The following ITPR3 variants were observed in gnomAD, a reference collection of about 807,000 sequenced individuals.
ITPR3 encodes the protein inositol 1,4,5-trisphosphate receptor type 3, also known as inositol 1,4,5-trisphosphate-gated calcium channel ITPR3.
ITPR3 carries 173 observed loss-of-function variants against 293.2 expected under a neutral mutation model. The observed-to-expected ratio is 0.59, with a 90% CI of 0.52 to 0.67. The LOEUF is 0.67. Ranked by LOEUF, ITPR3 falls within the 30% of genes least tolerant of loss-of-function variation. The pLI is 0.00. For missense variants in ITPR3, 2,796 were observed against 3,592.1 expected (o/e 0.78, Z 5.66); for synonymous variants, 1,295 against 1,444.4 (o/e 0.90, Z 2.35).
intron 21 of ITPR3, 108 bp downstream of exon 21, chr6:33,671,414 AACCTGGC>A: frequency 1.3e-6 from 1 of 751,170 alleles, no homozygotes; most frequent in South Asian, 1.8e-5. Flanking sequence ...CCCCCCACCC[AACCTGGC>A]TCTGCCTCAA....
chr6:33,685,564 A>G (rs1765203834), intron 40 of ITPR3, 31 bp downstream of exon 40: 1 of 1,603,478 alleles, frequency 6.2e-7, no homozygotes. Flanking sequence ...GCACGGCGTG[A>G]CGGGGATCCC....
At position 33,695,823 on chromosome 6, in the gene ITPR3, A is replaced by T; in HGVS notation, c.*43A>T. The stretch of plus-strand genomic sequence containing the variant: ...CCCAACAGGGGATGCTCATCACTGG[A>T]GACTGCGACTGGGAAGAACACTGCC... On this transcript the variant is annotated 3_prime_UTR_variant, in exon 58 of 58. Transcript: ENST00000605930. 3 of 1,594,718 alleles carry T rather than the reference A, an allele frequency of 1.9e-6. No homozygotes were observed. The highest frequency in any genetic ancestry group is 2.6e-6 in the Non-Finnish European group (3 of 1,162,808).
At chr6:33,634,752 T>A (rs1386514326) in intron 1 of ITPR3, among the ~76,000 whole-genome samples, 2 of 151,988 alleles carry the variant, frequency 1.3e-5, no homozygotes, top group Admixed American at 6.5e-5. Flanking sequence ...AATGACCAGG[T>A]GGGCTTGTCC....
In ITPR3 at chr6:33,687,367, G is replaced by A. The variant is rs1372345356; in HGVS notation, c.6177+40G>A. On this transcript the variant is annotated intron_variant, in intron 45 of 57. Coordinates refer to ENST00000605930, the MANE Select transcript of ITPR3 (RefSeq NM_002224.4). The surrounding 1 kb of genome is among the most constrained non-coding windows in gnomAD (Gnocchi z 5.3). ...CGTGGCAACGGCCATCACCCCCCTG[G>A]CCACCATACCCCGCCCCAGCTGCCA... 1.3e-6 allele frequency: 2 copies of A among 1,521,752 alleles called. No individual in the cohort carries two copies. The highest frequency in any genetic ancestry group is 1.8e-6 in the Non-Finnish European group (2 of 1,107,072). 94.3% of individuals were successfully genotyped at this position (1,521,752 alleles called of 1,614,324 possible).
chr6:33,656,457 C>T (rs577848383), intron 3 of ITPR3, among the ~76,000 whole-genome samples: 1 of 152,214 alleles, frequency 6.6e-6, no homozygotes, highest in Non-Finnish European at 1.5e-5. Flanking sequence ...TAGTCTTAAC[C>T]TCTCCCCTTG....
intron 2 of ITPR3, among the ~76,000 whole-genome samples, chr6:33,648,407 C>G (rs1195039990): frequency 6.6e-6 from 1 of 151,956 alleles, no homozygotes; most frequent in Non-Finnish European, 1.5e-5. Flanking sequence ...CTGTTGGTGC[C>G]CTTCTAAGAT....
At chr6:33,627,842 C>T (rs1462999594) in intron 1 of ITPR3, among the ~76,000 whole-genome samples, 1 of 152,110 alleles carries the variant, frequency 6.6e-6, no homozygotes, top group Non-Finnish European at 1.5e-5. Context: ...CCAGGCAGTG[C>T]GAGGATGTGA....
intron 2 of ITPR3, among the ~76,000 whole-genome samples, chr6:33,648,904 A>AT (rs879650876): frequency 3.1e-4 from 44 of 140,106 alleles, no homozygotes; most frequent in African/African-American, 1.0e-3. Context: ...TGCCATGTGT[A>AT]TTTTTTTTTT....
intron 49 of ITPR3, 21 bp downstream of exon 49, chr6:33,688,802 G>A (rs1375713271): frequency 1.5e-5 from 25 of 1,613,886 alleles, no homozygotes; most frequent in Non-Finnish European, 1.9e-5. Flanking sequence ...AGGGCTGGCC[G>A]GCAGGTTCCC....
Position 33,683,360 on chromosome 6 carries a change from AC to A in ITPR3, c.4753del (p.Gln1585SerfsTer22). ...RAFPRVTPTA[N>X]QWDYKNIIEK... is the part of the protein sequence containing the mutation. Reference sequence around the variant, plus strand: ...TTCCCCCGCGTCACCCCCACCGCCAACCAGTGGGACTACAAGAACATCATTG... The same window carrying A: ...TTCCCCCGCGTCACCCCCACCGCCAACAGTGGGACTACAAGAACATCATTG... On this transcript the variant is annotated frameshift_variant, in exon 35 of 58. Transcript: ENST00000605930. LOFTEE classifies it high-confidence loss of function. This position sits in a 1 kb window ranked among gnomAD's most constrained non-coding sequence, Gnocchi z 4.5. The A allele has an allele frequency of 6.3e-7, 1 of 1,594,748 alleles. No individual in the cohort carries two copies. Among genetic ancestry groups the A allele is most frequent in the South Asian group, 1.1e-5 (1 of 87,560 alleles).
chr6:33,638,747 G>A lies in ITPR3; in HGVS notation c.90-1737G>A, dbSNP rs28360584. On this transcript the variant is annotated intron_variant, in intron 1 of 57. Coordinates refer to ENST00000605930, the MANE Select transcript of ITPR3 (RefSeq NM_002224.4). This position sits in a 1 kb window ranked among gnomAD's most constrained non-coding sequence, Gnocchi z 4.3. ...TACAAAGAAAACACACAGGGGCTCC[G>A]TTCTCAAGGAACTCACAGTGTAGAC... 6.6e-6 allele frequency among the ~76,000 whole-genome samples: 1 copy of A among 152,198 alleles called. No individual in the cohort carries two copies.
intron 2 of ITPR3, among the ~76,000 whole-genome samples, chr6:33,651,029 C>T (rs529481222): frequency 2.6e-5 from 4 of 152,046 alleles, no homozygotes; most frequent in Non-Finnish European, 5.9e-5. Context: ...GTAATCCCAG[C>T]ACTTTGGGAG....
intron 27 of ITPR3, 65 bp downstream of exon 27, chr6:33,677,154 G>A: frequency 6.9e-7 from 1 of 1,452,078 alleles, no homozygotes; most frequent in African/African-American, 1.4e-5. Flanking sequence ...GCTCCCGCTG[G>A]CCCGGCCCCC....
chr6:33,690,060 G>GA lies in ITPR3; in HGVS notation c.6895dup (p.Ser2299LysfsTer14). 1 of 1,614,224 alleles carries GA rather than the reference G, an allele frequency of 6.2e-7. No homozygotes were observed. Among genetic ancestry groups the GA allele is most frequent in the Non-Finnish European group, 8.5e-7 (1 of 1,180,038 alleles). ...TGACCAACAAGATCGTGTTTGTGGT[G>GA]AGCTTCGTGGGCAACCGTGGCACCT... On this transcript the variant is annotated frameshift_variant, in exon 51 of 58. Transcript: ENST00000605930. LOFTEE classifies it high-confidence loss of function.
In ITPR3 at chr6:33,659,013, C is replaced by G; in HGVS notation, c.529-8C>G. ...TTCCCACCTAACCTGTCCCACCTGT[C>G]TGCTCAGGTGGTCGTGGGGGACAAG... is the stretch of plus-strand genomic sequence containing the variant. On this transcript the variant is annotated splice_polypyrimidine_tract_variant and splice_region_variant and intron_variant, in intron 5 of 57. Coordinates refer to ENST00000605930, the MANE Select transcript of ITPR3 (RefSeq NM_002224.4). 6.2e-7 allele frequency: 1 copy of G among 1,613,202 alleles called. No homozygotes were observed. The highest frequency in any genetic ancestry group is 8.5e-7 in the Non-Finnish European group (1 of 1,179,144).
In ITPR3 at chr6:33,687,273, C is replaced by T; in HGVS notation, c.6123C>T (p.Asn2041=). The T allele has an allele frequency of 6.2e-7, 1 of 1,613,692 alleles. No individual in the cohort carries two copies. ...ACCTGCAGGAGGAAGAGCGTGAGAA[C>T]TCGGAGGTGAGCCCACGTGAAGTGG... ...KAYLQEEERE[N]SEVSPREVGH... is the part of the protein sequence containing the mutation. The change falls in exon 45 of 58, where the codon AAC becomes AAT. Residue 2041 remains asparagine, a synonymous_variant. Transcript: ENST00000605930. The surrounding 1 kb of genome is among the most constrained non-coding windows in gnomAD (Gnocchi z 5.3).
At chr6:33,641,630 C>A (rs75343653) in intron 2 of ITPR3, among the ~76,000 whole-genome samples, 2 of 151,994 alleles carry the variant, frequency 1.3e-5, no homozygotes, top group Non-Finnish European at 2.9e-5. Context: ...GCCCCTTCAC[C>A]CTACACCGTT....
At position 33,683,829 on chromosome 6, in the gene ITPR3, G is replaced by A. The variant is rs1765147846; in HGVS notation, c.4789-191G>A. Among the ~76,000 whole-genome samples the A allele has an allele frequency of 6.6e-6, 1 of 152,208 alleles. No homozygotes were observed. Among genetic ancestry groups the A allele is most frequent in the South Asian group, 2.1e-4 (1 of 4,822 alleles). On this transcript the variant is annotated intron_variant, in intron 35 of 57. Coordinates refer to ENST00000605930, the MANE Select transcript of ITPR3 (RefSeq NM_002224.4). This position sits in a 1 kb window ranked among gnomAD's most constrained non-coding sequence, Gnocchi z 4.5. ...CACACAGAGCTGGGAGAGAAGCCAG[G>A]CTTGGCAGCTCCCAGCCAGGGCTCT...
Position 33,687,928 on chromosome 6 carries a change from G to C in ITPR3, c.6265-129G>C, listed in dbSNP as rs369941191. The C allele has an allele frequency of 1.9e-5, 14 of 735,876 alleles. No individual in the cohort carries two copies. The South Asian group carries it at 2.4e-4, about 13-fold the overall frequency. The allele number at this position is 735,876 out of a possible 1,614,324, so 45.6% of individuals were successfully genotyped here. ...GTCCTAGTTGGGCTGGGCTTGGCCTGCTCTGGCTTGGCGGGGACACTCGCT... is the reference window on the plus strand; with the variant it reads ...GTCCTAGTTGGGCTGGGCTTGGCCTCCTCTGGCTTGGCGGGGACACTCGCT... On this transcript the variant is annotated intron_variant, in intron 46 of 57. Coordinates refer to ENST00000605930, the MANE Select transcript of ITPR3 (RefSeq NM_002224.4). This position sits in a 1 kb window ranked among gnomAD's most constrained non-coding sequence, Gnocchi z 5.3.
Sources: allele counts gnomAD v4.1 joint callset (sites outside exome capture counted in the v4.1 genomes callset), GRCh38; gene constraint gnomAD v4.1.1; non-coding constraint Gnocchi (gnomAD v3.1); transcripts MANE v1.5; gene names NCBI Gene and HGNC (gene_info 2026-07-23, HGNC 2026-07-21).